Variants in TMEM163 observed in about 807,000 individuals in gnomAD.
TMEM163 encodes transmembrane protein 163.
TMEM163 carries 17 observed loss-of-function variants against 29.3 expected under a neutral mutation model. The ratio of observed to expected loss-of-function variants is 0.58; its 90% CI spans 0.40 to 0.87. The LOEUF (loss-of-function observed/expected upper bound fraction) is 0.87, where lower values mean the gene tolerates loss of function less well. Ranked by LOEUF, TMEM163 falls within the 40% of genes least tolerant of loss-of-function variation. TMEM163 has a pLI of 0.00. For missense variants in TMEM163, 303 were observed against 381.5 expected (o/e 0.79, Z 1.71); for synonymous variants, 157 against 160.6 (o/e 0.98, Z 0.17).
chr2:134,598,920 CAAA>C (rs796382637), intron 2 of TMEM163, among the ~76,000 whole-genome samples: 4 of 65,904 alleles, frequency 6.1e-5, no homozygotes, highest in Non-Finnish European at 8.2e-5. Context: ...GACTCTATCT[CAAA>C]AAAAAAAAAA....
intron 4 of TMEM163, among the ~76,000 whole-genome samples, chr2:134,514,869 T>C (rs988108916): frequency 2.0e-5 from 3 of 152,210 alleles, no homozygotes; most frequent in African/African-American, 4.8e-5. Flanking sequence ...GCCTCATTTC[T>C]GCCCAGTGGT....
At chr2:134,643,943 T>C (rs538908118) in intron 2 of TMEM163, among the ~76,000 whole-genome samples, 37 of 152,058 alleles carry the variant, frequency 2.4e-4, no homozygotes, top group Non-Finnish European at 4.0e-4. Context: ...GGGTATAAGA[T>C]AAACACACTA....
intron 2 of TMEM163, among the ~76,000 whole-genome samples, chr2:134,709,544 G>C (rs1432321436): frequency 6.6e-6 from 1 of 152,182 alleles, no homozygotes; most frequent in Non-Finnish European, 1.5e-5. Context: ...AGGTCTTTTA[G>C]AAACTACTAA....
intron 5 of TMEM163, among the ~76,000 whole-genome samples, chr2:134,502,054 C>A (rs1475384807): frequency 6.6e-6 from 1 of 152,184 alleles, no homozygotes; most frequent in East Asian, 1.9e-4. Context: ...CATATACACA[C>A]AAACACACAT....
At chr2:134,675,218 T>C (rs911807728) in intron 2 of TMEM163, among the ~76,000 whole-genome samples, 1 of 152,258 alleles carries the variant, frequency 6.6e-6, no homozygotes, top group Non-Finnish European at 1.5e-5. Context: ...AATTTCATTT[T>C]GATCATTACA....
chr2:134,645,077 T>C (rs1216482260), intron 2 of TMEM163, among the ~76,000 whole-genome samples: 1 of 152,214 alleles, frequency 6.6e-6, no homozygotes, highest in East Asian at 1.9e-4. Flanking sequence ...ACTGCATACC[T>C]GTTAGAATAG....
At chr2:134,531,873 G>A (rs977198796) in intron 4 of TMEM163, among the ~76,000 whole-genome samples, 4 of 152,148 alleles carry the variant, frequency 2.6e-5, no homozygotes, top group African/African-American at 9.7e-5. Context: ...CTGGGGGCTG[G>A]GGCTGGAAGT....
chr2:134,569,727 T>G (rs1681379083), intron 2 of TMEM163, among the ~76,000 whole-genome samples: 1 of 152,204 alleles, frequency 6.6e-6, no homozygotes, highest in Non-Finnish European at 1.5e-5. Flanking sequence ...AGCCTTTTCC[T>G]GGGATCCATA....
rs533409997 is a variant in TMEM163 at position 134,596,540 on chromosome 2, A to G, written c.323-44449T>C. On this transcript the variant is annotated intron_variant, in intron 2 of 7. Transcript: ENST00000281924. Reference sequence around the variant, plus strand: ...GCCTTGTAGTATAGTTTGAAGTCAGATAGCGTGATGCCTCCAGCTTTGTTC... The same window carrying G: ...GCCTTGTAGTATAGTTTGAAGTCAGGTAGCGTGATGCCTCCAGCTTTGTTC... Among the ~76,000 whole-genome samples, 10 of 152,234 alleles carry G rather than the reference A, an allele frequency of 6.6e-5. No homozygotes were observed. The South Asian group carries it at 1.2e-3, about 19-fold the overall frequency.
intron 2 of TMEM163, among the ~76,000 whole-genome samples, chr2:134,672,728 G>T (rs557118088): frequency 4.2e-4 from 64 of 151,994 alleles, no homozygotes; most frequent in Non-Finnish European, 8.2e-4. Context: ...CCCTAAGCCT[G>T]CTCACCATCT....
chr2:134,552,129 A>G, intron 2 of TMEM163, 38 bp from the exon 3 acceptor site: 1 of 1,545,542 alleles, frequency 6.5e-7, no homozygotes, highest in Non-Finnish European at 8.9e-7. Flanking sequence ...ATATTTTAAA[A>G]CCTCTCTCAT....
At chr2:134,523,733 A>G (rs1275305143) in intron 4 of TMEM163, among the ~76,000 whole-genome samples, 1 of 152,230 alleles carries the variant, frequency 6.6e-6, no homozygotes, top group Non-Finnish European at 1.5e-5. Flanking sequence ...TCCATTAAAC[A>G]GAGAAACGGG....
chr2:134,610,202 G>A (rs1682471088), intron 2 of TMEM163, among the ~76,000 whole-genome samples: 1 of 152,206 alleles, frequency 6.6e-6, no homozygotes, highest in Admixed American at 6.5e-5. Flanking sequence ...TCCCCTAAGT[G>A]AAGGCAGAAC....
At chr2:134,492,573 A>G (rs1259244332) in intron 5 of TMEM163, among the ~76,000 whole-genome samples, 1 of 152,154 alleles carries the variant, frequency 6.6e-6, no homozygotes, top group Non-Finnish European at 1.5e-5. Flanking sequence ...TTTGTAGGTA[A>G]AAATTTAAGT....
At chr2:134,621,271 G>A (rs538324446) in intron 2 of TMEM163, among the ~76,000 whole-genome samples, 13 of 152,140 alleles carry the variant, frequency 8.5e-5, no homozygotes, top group Admixed American at 1.3e-4. Context: ...ATGAAAACAA[G>A]ATACTACTAC....
intron 2 of TMEM163, among the ~76,000 whole-genome samples, chr2:134,599,604 A>AGAAAC (rs1682177634): frequency 6.6e-6 from 1 of 151,938 alleles, no homozygotes; most frequent in Non-Finnish European, 1.5e-5. Context: ...CACCCAGTCT[A>AGAAAC]TGGTAATGTG....
In TMEM163 at chr2:134,680,452, A is replaced by G. The variant is rs972843104; in HGVS notation, c.322+32748T>C. 8.5e-5 allele frequency among the ~76,000 whole-genome samples: 13 copies of G among 152,250 alleles called. No individual in the cohort carries two copies. In the South Asian group the frequency reaches 2.5e-3, roughly 29 times the overall value. On this transcript the variant is annotated intron_variant, in intron 2 of 7. Coordinates refer to ENST00000281924, the MANE Select transcript of TMEM163 (RefSeq NM_030923.5). ...GGGCTACAGAGCTAGACCCTGTCTC[A>G]AAAACAAACAAAAAAACGAACCTTT...
At chr2:134,685,638 C>T (rs1446794073) in intron 2 of TMEM163, among the ~76,000 whole-genome samples, 1 of 152,196 alleles carries the variant, frequency 6.6e-6, no homozygotes, top group Admixed American at 6.5e-5. Context: ...CACCACAGCT[C>T]CTGCTTTCCC....
intron 2 of TMEM163, among the ~76,000 whole-genome samples, chr2:134,635,903 T>C (rs182566584): frequency 3.9e-5 from 6 of 152,182 alleles, no homozygotes; most frequent in East Asian, 3.9e-4. Flanking sequence ...ATGAACAACA[T>C]TCGGGGTTGA....
Sources: allele counts gnomAD v4.1 joint callset (sites outside exome capture counted in the v4.1 genomes callset), GRCh38; gene constraint gnomAD v4.1.1; transcripts MANE v1.5; gene names NCBI Gene and HGNC (gene_info 2026-07-23, HGNC 2026-07-21).